Variants in ATP8A1 observed in about 807,000 individuals in gnomAD.
The protein encoded by ATP8A1 is ATPase phospholipid transporting 8A1.
ATP8A1 carries 90 observed loss-of-function variants against 177.7 expected under a neutral mutation model. The observed-to-expected ratio is 0.51, with a 90% CI of 0.43 to 0.60. ATP8A1 has a LOEUF of 0.60. Ranked by LOEUF, ATP8A1 falls within the 20% of genes least tolerant of loss-of-function variation. ATP8A1 has a pLI of 0.00. For synonymous variants in ATP8A1, 493 were observed against 485.9 expected (o/e 1.01, Z -0.19); for missense variants, 1,072 against 1,392.8 (o/e 0.77, Z 3.67).
In ATP8A1 at chr4:42,414,687, C is replaced by A. The variant is rs373678420; in HGVS notation, c.3337G>T (p.Val1113Phe). The change falls in exon 36 of 37, where the codon GTC (valine) becomes TTC (phenylalanine). Residue 1113 changes from valine (V) to phenylalanine (F), a missense_variant. Transcript: ENST00000381668. ...LTERAQLLKN[V>F]FKKNHVNLYR... Reference sequence around the variant, plus strand: ...AAGTTCACGTGGTTCTTCTTAAAGACGTTCTTGAGCAGTTGCGCCCTCTCG... The same window carrying A: ...AAGTTCACGTGGTTCTTCTTAAAGAAGTTCTTGAGCAGTTGCGCCCTCTCG... 4 of 1,613,846 alleles carry A rather than the reference C, an allele frequency of 2.5e-6. No individual in the cohort carries two copies. Among genetic ancestry groups the A allele is most frequent in the Non-Finnish European group, 3.4e-6 (4 of 1,179,822 alleles).
At position 42,627,058 on chromosome 4, in the gene ATP8A1, T is replaced by G. The variant is rs1408276957; in HGVS notation, c.101A>C (p.Glu34Ala). The change falls in exon 2 of 37, where the codon GAG becomes GCG. Residue 34 changes from glutamate (E) to alanine (A), a missense_variant. Physicochemically the swap from Glu to Ala is moderately radical, Grantham distance 107. Around this residue, in one of 5 missense-constraint regions of ATP8A1, gnomAD observed 344 missense variants for 393.5 expected, o/e 0.87. Transcript: ENST00000381668. ...VSEKTSLADQ[E>A]EVRTIFINQP... is the part of the protein sequence containing the mutation. Reference sequence around the variant, plus strand: ...GTTGATGAAAATAGTCCTTACTTCCTCCTGGTCAGCCAGTGAGGTCTTCTC... The same window carrying G: ...GTTGATGAAAATAGTCCTTACTTCCGCCTGGTCAGCCAGTGAGGTCTTCTC... The G allele has an allele frequency of 6.2e-7, 1 of 1,614,032 alleles. No individual in the cohort carries two copies. The highest frequency in any genetic ancestry group is 1.3e-5 in the African/African-American group (1 of 74,946).
intron 36 of ATP8A1, among the ~76,000 whole-genome samples, chr4:42,414,253 T>C (rs972506328): frequency 6.6e-6 from 1 of 152,244 alleles, no homozygotes; most frequent in Admixed American, 6.5e-5. Flanking sequence ...GGGGAAAATA[T>C]ATGCTTCCTT....
intron 1 of ATP8A1, among the ~76,000 whole-genome samples, chr4:42,650,256 T>G (rs1251326984): frequency 6.6e-6 from 1 of 152,206 alleles, no homozygotes; most frequent in Non-Finnish European, 1.5e-5. Flanking sequence ...AGAATTACAC[T>G]AAGTAAAATG....
intron 6 of ATP8A1, among the ~76,000 whole-genome samples, chr4:42,594,087 G>C (rs568917841): frequency 2.6e-5 from 4 of 152,074 alleles, no homozygotes; most frequent in Non-Finnish European, 5.9e-5. Flanking sequence ...GAATGATAAA[G>C]TATAGTACCT....
chr4:42,511,424 T>C (rs980504689), intron 22 of ATP8A1, among the ~76,000 whole-genome samples: 12 of 152,164 alleles, frequency 7.9e-5, no homozygotes, highest in South Asian at 2.1e-4. Context: ...ATGGCATTTA[T>C]GGAATTCAAA....
At chr4:42,654,864 G>A (rs1322652741) in intron 1 of ATP8A1, among the ~76,000 whole-genome samples, 1 of 152,202 alleles carries the variant, frequency 6.6e-6, no homozygotes, top group Non-Finnish European at 1.5e-5. Flanking sequence ...TCTCTCAAAG[G>A]AGAATATTCC....
At chr4:42,533,940 G>A (rs1391351801) in intron 20 of ATP8A1, among the ~76,000 whole-genome samples, 1 of 152,108 alleles carries the variant, frequency 6.6e-6, no homozygotes, top group Non-Finnish European at 1.5e-5. Context: ...CTGCCGTTTG[G>A]CTCTCAGTAA....
intron 27 of ATP8A1, 25 bp downstream of exon 27, chr4:42,464,665 G>C: frequency 7.4e-7 from 1 of 1,349,898 alleles, no homozygotes; most frequent in Non-Finnish European, 1.0e-6. Flanking sequence ...AAATGACAAG[G>C]ATTTAAAATT....
intron 29 of ATP8A1, 65 bp from the exon 30 acceptor site, chr4:42,452,124 T>G: frequency 8.9e-7 from 1 of 1,126,774 alleles, no homozygotes; most frequent in Non-Finnish European, 1.3e-6. Context: ...CTCTGACCTT[T>G]CTTTTTATCT....
At chr4:42,627,795 CT>C (rs1254832824) in intron 1 of ATP8A1, among the ~76,000 whole-genome samples, 3 of 152,172 alleles carry the variant, frequency 2.0e-5, no homozygotes, top group Non-Finnish European at 4.4e-5. Flanking sequence ...TTTTAAACAG[CT>C]TTTTGTGTCT....
chr4:42,516,590 A>G (rs928667360), intron 22 of ATP8A1, among the ~76,000 whole-genome samples: 1 of 152,256 alleles, frequency 6.6e-6, no homozygotes, highest in Non-Finnish European at 1.5e-5. Flanking sequence ...ATGCAGTACT[A>G]AAGACATAAT....
intron 1 of ATP8A1, among the ~76,000 whole-genome samples, chr4:42,644,289 AAG>A (rs749442049): frequency 6.6e-6 from 1 of 152,214 alleles, no homozygotes; most frequent in Non-Finnish European, 1.5e-5. Context: ...TGGGGAAATT[AAG>A]AGAGTTTTTT....
rs1280076581 is a variant in ATP8A1, at chr4:42,470,509, A to AT, written c.2325-5434dup. Among the ~76,000 whole-genome samples the AT allele has an allele frequency of 4.6e-5, 7 of 152,146 alleles. No homozygotes were observed. In the East Asian group the frequency reaches 1.2e-3, roughly 25 times the overall value. ...TGTATAATAAAGGATAATTTAAGGA[A>AT]TTTTTTATAGGTAGCCAAAAGGAAT... is the stretch of plus-strand genomic sequence containing the variant. On this transcript the variant is annotated intron_variant, in intron 25 of 36. Coordinates refer to ENST00000381668, the MANE Select transcript of ATP8A1 (RefSeq NM_006095.2).
chr4:42,455,684 C>CATA (rs1718407191), intron 27 of ATP8A1, 85 bp from the exon 28 acceptor site: 2 of 1,182,810 alleles, frequency 1.7e-6, no homozygotes, highest in Non-Finnish European at 2.4e-6. Flanking sequence ...TCAACTGCTG[C>CATA]ATAATAGCAG....
At chr4:42,546,682 C>T (rs1728970702) in intron 19 of ATP8A1, among the ~76,000 whole-genome samples, 1 of 152,074 alleles carries the variant, frequency 6.6e-6, no homozygotes, top group African/African-American at 2.4e-5. Flanking sequence ...TAAACCATCA[C>T]TCATCTATCC....
chr4:42,447,224 T>C (rs1171124883), intron 30 of ATP8A1, among the ~76,000 whole-genome samples: 1 of 152,152 alleles, frequency 6.6e-6, no homozygotes, highest in Non-Finnish European at 1.5e-5. Context: ...TACTTTGTCA[T>C]CCAGGTTGGA....
intron 16 of ATP8A1, among the ~76,000 whole-genome samples, chr4:42,554,404 T>A (rs1391693180): frequency 1.3e-5 from 2 of 152,280 alleles, no homozygotes; most frequent in East Asian, 3.9e-4. Flanking sequence ...AGATAGGTGA[T>A]GGTATGATTT....
chr4:42,532,247 G>T (rs1013304331), intron 20 of ATP8A1, among the ~76,000 whole-genome samples: 4 of 152,156 alleles, frequency 2.6e-5, no homozygotes, highest in African/African-American at 9.7e-5. Flanking sequence ...CACACTGGGA[G>T]GCCGAGGTGG....
chr4:42,423,047 C>T (rs917715220), intron 34 of ATP8A1, 148 bp from the exon 35 acceptor site: 3 of 475,534 alleles, frequency 6.3e-6, no homozygotes, highest in African/African-American at 4.0e-5. Flanking sequence ...TAAAAATTAC[C>T]GTAATTTTGA....
Sources: gnomAD v4.1 joint callset for allele counts (sites outside exome capture counted in the v4.1 genomes callset) on GRCh38, gnomAD v4.1.1 for gene constraint, gnomAD v4.1.1 regional missense constraint, MANE v1.5 for transcripts, NCBI Gene and HGNC (gene_info 2026-07-23, HGNC 2026-07-21) for gene names.